TLN2: variants seen among roughly 807,000 people sequenced by gnomAD.
The protein encoded by TLN2 is talin-2.
Under a neutral mutation model 294.7 loss-of-function variants are expected in TLN2, and 118 were observed. The observed-to-expected ratio is 0.40, with a 90% CI of 0.34 to 0.47. TLN2 has a LOEUF of 0.47. TLN2 is among the 20% of genes least tolerant of loss of function. The pLI is 0.84. For synonymous variants in TLN2, 1,431 were observed against 1,304.5 expected (o/e 1.10, Z -2.09); for missense variants, 3,083 against 3,282.2 (o/e 0.94, Z 1.48).
At chr15:62,462,904 C>G (rs372870684) in intron 1 of TLN2, among the ~76,000 whole-genome samples, 1 of 152,116 alleles carries the variant, frequency 6.6e-6, no homozygotes, top group African/African-American at 2.4e-5. Flanking sequence ...CTCTCCTGAC[C>G]GCACAGCTGC....
rs1339367502 is a variant in TLN2 at position 62,692,952 on chromosome 15, T to C, written c.1215+11T>C. 10 of 1,597,436 alleles carry C rather than the reference T, an allele frequency of 6.3e-6. No individual in the cohort carries two copies. Among genetic ancestry groups the C allele is most frequent in the Admixed American group, 1.8e-5 (1 of 56,326 alleles). On this transcript the variant is annotated intron_variant, in intron 13 of 58. Coordinates refer to ENST00000636159, the MANE Select transcript of TLN2 (RefSeq NM_015059.3). ...ATCATCCTGAAAAAGGTATTTTGTA[T>C]TGATGCAAATTGGAAAAGCAAGACG...
chr15:62,688,505 T>C (rs1341741467), intron 12 of TLN2, among the ~76,000 whole-genome samples: 1 of 152,210 alleles, frequency 6.6e-6, no homozygotes, highest in African/African-American at 2.4e-5. Context: ...GCTCTATAAA[T>C]ACCAGTTAGA....
chr15:62,727,279 C>T, intron 28 of TLN2, 90 bp downstream of exon 28: 1 of 1,177,702 alleles, frequency 8.5e-7, no homozygotes, highest in East Asian at 2.5e-5. Context: ...TTTGACAATA[C>T]ACGTGACATT....
chr15:62,437,404 C>G (rs2035336830), intron 1 of TLN2, among the ~76,000 whole-genome samples: 2 of 151,958 alleles, frequency 1.3e-5, no homozygotes, highest in African/African-American at 4.8e-5. Flanking sequence ...TGCGAGCCAC[C>G]ACACCTGACC....
rs1461092579 is a variant in TLN2, at chr15:62,722,370, G to A, written c.3009G>A (p.Val1003=). ...QNFLQPGSKM[V]SSAKAAVPTV... ...CTCTATAGCCTGGAAGCAAGATGGT[G>A]TCCTCTGCCAAAGCCGCAGTGCCCA... Residue 1003 remains valine, a synonymous_variant, in exon 26 of 59, where the codon GTG becomes GTA. Transcript: ENST00000636159. 3.1e-6 allele frequency: 5 copies of A among 1,611,042 alleles called. No individual in the cohort carries two copies. The highest frequency in any genetic ancestry group is 1.3e-5 in the African/African-American group (1 of 75,004).
intron 3 of TLN2, among the ~76,000 whole-genome samples, chr15:62,634,176 G>T (rs906415632): frequency 2.6e-5 from 4 of 152,182 alleles, no homozygotes; most frequent in African/African-American, 9.7e-5. Flanking sequence ...AGTAAGCTAG[G>T]TGCACTGTTG....
chr15:62,788,782 C>T (rs1434162206), intron 45 of TLN2, among the ~76,000 whole-genome samples: 2 of 152,242 alleles, frequency 1.3e-5, no homozygotes, highest in African/African-American at 4.8e-5. Flanking sequence ...CTGTACCAGT[C>T]TGCCTCCTTT....
intron 3 of TLN2, among the ~76,000 whole-genome samples, chr15:62,624,473 A>T (rs4293325): frequency 6.6e-6 from 1 of 152,204 alleles, no homozygotes; most frequent in Non-Finnish European, 1.5e-5. Context: ...GATAGGACGC[A>T]TGAATGTGCT....
intron 1 of TLN2, among the ~76,000 whole-genome samples, chr15:62,463,842 G>A (rs966460758): frequency 1.3e-5 from 2 of 152,070 alleles, no homozygotes; most frequent in Admixed American, 6.6e-5. Flanking sequence ...AGCTGAGATC[G>A]CGCCACTGCA....
At chr15:62,710,139 T>G (rs1244062773) in intron 21 of TLN2, among the ~76,000 whole-genome samples, 1 of 152,212 alleles carries the variant, frequency 6.6e-6, no homozygotes, top group African/African-American at 2.4e-5. Flanking sequence ...TAATGGACAT[T>G]TAGTTTTTTT....
intron 39 of TLN2, 155 bp from the exon 40 acceptor site, chr15:62,763,408 T>G (rs2062799283): frequency 1.8e-5 from 15 of 830,166 alleles, no homozygotes; most frequent in Non-Finnish European, 2.5e-5. Context: ...GGCTGTGCAG[T>G]GAGACGTTGC....
At chr15:62,443,436 C>T (rs939390379) in intron 1 of TLN2, among the ~76,000 whole-genome samples, 3 of 152,198 alleles carry the variant, frequency 2.0e-5, no homozygotes, top group Admixed American at 2.0e-4. Flanking sequence ...AATACTAACA[C>T]TTGGGCAATA....
intron 22 of TLN2, among the ~76,000 whole-genome samples, chr15:62,715,997 C>T (rs749241234): frequency 2.6e-5 from 4 of 152,176 alleles, no homozygotes; most frequent in African/African-American, 7.2e-5. Context: ...AAGATTCTCC[C>T]TGGGAGAGAT....
chr15:62,452,781 G>A (rs1382659171), intron 1 of TLN2, among the ~76,000 whole-genome samples: 2 of 152,192 alleles, frequency 1.3e-5, no homozygotes, highest in Admixed American at 1.3e-4. Context: ...CTCTCCTTTG[G>A]AGACAGTCCT....
chr15:62,562,769 C>T (rs181746457), intron 1 of TLN2, among the ~76,000 whole-genome samples: 365 of 152,154 alleles, frequency 2.4e-3, no homozygotes, highest in Admixed American at 8.1e-3. Flanking sequence ...TAGCTTAGCT[C>T]CCACTTACGA....
At chr15:62,690,460 G>A (rs2057762697) in intron 12 of TLN2, 2 of 126,162 alleles carry the variant, frequency 1.6e-5, no homozygotes, top group South Asian at 1.9e-4. Flanking sequence ...ATGGCGGCCG[G>A]CCGGGAAGAG....
rs878955607 is a variant in TLN2 at position 62,820,482 on chromosome 15, C to G, written c.6878-4C>G. 6.2e-7 allele frequency: 1 copy of G among 1,613,734 alleles called. No homozygotes were observed. The highest frequency in any genetic ancestry group is 8.5e-7 in the Non-Finnish European group (1 of 1,179,808). ...AGAATCACCTTCTTTTGGACTGATT[C>G]TAGGAACAGAGTGGGTGGATCCAGA... is the stretch of plus-strand genomic sequence containing the variant. On this transcript the variant is annotated splice_polypyrimidine_tract_variant and splice_region_variant and intron_variant, in intron 53 of 58. Transcript: ENST00000636159.
Position 62,750,484 on chromosome 15 carries a change from A to G in TLN2, c.4202A>G (p.Asn1401Ser). 2 of 1,613,774 alleles carry G rather than the reference A, an allele frequency of 1.2e-6. No individual in the cohort carries two copies. The highest frequency in any genetic ancestry group is 1.7e-6 in the Non-Finnish European group (2 of 1,179,850). The change falls in exon 34 of 59, where the codon AAC (asparagine) becomes AGC (serine). Residue 1401 changes from asparagine to serine, a missense_variant. Physicochemically the swap from Asn to Ser is conservative, Grantham distance 46. Transcript: ENST00000636159. ...YFDCIESVMENSKVLGESMAG... is the reference protein window; with the variant it reads ...YFDCIESVMESSKVLGESMAG... Reference sequence around the variant, plus strand: ...GACTGCATTGAGAGTGTGATGGAAAACTCCAAGGTAAGACTGCCTATGCCG... The same window carrying G: ...GACTGCATTGAGAGTGTGATGGAAAGCTCCAAGGTAAGACTGCCTATGCCG...
intron 22 of TLN2, among the ~76,000 whole-genome samples, chr15:62,713,521 A>C (rs568266596): frequency 4.1e-4 from 62 of 152,082 alleles, no homozygotes; most frequent in African/African-American, 1.4e-3. Flanking sequence ...TCTACTAAAA[A>C]TACAAAAATT....
Sources: allele counts gnomAD v4.1 joint callset (sites outside exome capture counted in the v4.1 genomes callset), GRCh38; gene constraint gnomAD v4.1.1; transcripts MANE v1.5; gene names NCBI Gene and HGNC (gene_info 2026-07-23, HGNC 2026-07-21).